The following NBEA variants were observed in gnomAD, a reference collection of about 807,000 sequenced individuals.
NBEA encodes neurobeachin.
A neutral mutation model predicts 343.4 loss-of-function variants in NBEA; 44 were observed. The ratio of observed to expected loss-of-function variants is 0.13; its 90% confidence interval spans 0.10 to 0.16. The LOEUF (loss-of-function observed/expected upper bound fraction) is 0.16. Ranked by LOEUF, NBEA falls within the 10% of genes least tolerant of loss-of-function variation. NBEA has a pLI of 1.00. For synonymous variants in NBEA, 1,175 were observed against 1,238.7 expected, an observed-to-expected ratio of 0.95 and a Z score of 1.08; for missense variants, 2,555 against 3,631.3, an observed-to-expected ratio of 0.70 and a Z score of 7.62.
chr13:34,965,738 A>G (rs2059800464), intron 1 of NBEA, among the ~76,000 whole-genome samples: 3 of 152,018 alleles, frequency 2.0e-5, no homozygotes, highest in African/African-American at 7.2e-5. Flanking sequence ...GCCATGATCA[A>G]GGTCTCCTGG....
At chr13:35,242,873 T>A (rs1319294169) in intron 34 of NBEA, among the ~76,000 whole-genome samples, 1 of 151,928 alleles carries the variant, frequency 6.6e-6, no homozygotes, top group African/African-American at 2.4e-5. Context: ...GAGCATTTAT[T>A]ACTACTAGAT....
chr13:35,652,046 T>C (rs2084549537), intron 53 of NBEA, among the ~76,000 whole-genome samples, 170 bp downstream of exon 53: 1 of 152,146 alleles, frequency 6.6e-6, no homozygotes, highest in Non-Finnish European at 1.5e-5. Context: ...ATCTAAGAAC[T>C]TTTTGGTATT....
chr13:35,316,023 A>T lies in NBEA; in HGVS notation c.5903+6431A>T, dbSNP rs2037690324. Among the ~76,000 whole-genome samples, 4 of 145,368 alleles carry T rather than the reference A, an allele frequency of 2.8e-5. No individual in the cohort carries two copies. The South Asian group carries it at 9.2e-4, about 33-fold the overall frequency. Reference sequence around the variant, plus strand: ...TTGGAGCCAATAATCTCTGGAAGCTACTGGAAAACAGAAGTTTCTTTTCCA... The same window carrying T: ...TTGGAGCCAATAATCTCTGGAAGCTTCTGGAAAACAGAAGTTTCTTTTCCA... On this transcript the variant is annotated intron_variant, in intron 36 of 58. Transcript: ENST00000379939.
intron 45 of NBEA, among the ~76,000 whole-genome samples, chr13:35,570,669 T>C (rs563764903): frequency 3.3e-4 from 50 of 152,358 alleles, no homozygotes; most frequent in African/African-American, 1.1e-3. Flanking sequence ...CCTCTTGATA[T>C]GTTAATAAAT....
intron 36 of NBEA, among the ~76,000 whole-genome samples, chr13:35,320,497 A>C (rs911081704): frequency 1.3e-5 from 2 of 152,172 alleles, no homozygotes; most frequent in Non-Finnish European, 2.9e-5. Flanking sequence ...CCTTGGGGTA[A>C]CCTGACCTTT....
chr13:35,436,000 T>A (rs2045413687), intron 39 of NBEA, among the ~76,000 whole-genome samples: 1 of 152,062 alleles, frequency 6.6e-6, no homozygotes, highest in African/African-American at 2.4e-5. Flanking sequence ...TTTCAAATTA[T>A]TCGCCACAGT....
At chr13:35,523,179 GA>G (rs1394704021) in intron 41 of NBEA, among the ~76,000 whole-genome samples, 1 of 152,096 alleles carries the variant, frequency 6.6e-6, no homozygotes, top group Non-Finnish European at 1.5e-5. Context: ...TACTGTGCCA[GA>G]AACCTTTCCA....
intron 39 of NBEA, among the ~76,000 whole-genome samples, chr13:35,451,163 G>A (rs530624147): frequency 4.6e-5 from 7 of 152,072 alleles, no homozygotes; most frequent in Admixed American, 4.6e-4. Context: ...TCACTCTGTC[G>A]CCCAGGCTGG....
chr13:35,290,543 A>G, intron 35 of NBEA, 93 bp downstream of exon 35: 1 of 825,796 alleles, frequency 1.2e-6, no homozygotes, highest in Non-Finnish European at 1.9e-6. Flanking sequence ...GTATGTTTAT[A>G]TATTTTTAAA....
In NBEA at chr13:35,486,028, A is replaced by C. The variant is rs78086918; in HGVS notation, c.6585+13492A>C. ...ATTCTCCAGATTGTTTAGTCTAAAA[A>C]ATAGGCTGATGAAATTTTGAGGGAA... On this transcript the variant is annotated intron_variant, in intron 41 of 58. Coordinates refer to ENST00000379939, the MANE Select transcript of NBEA (RefSeq NM_001385012.1). Among the ~76,000 whole-genome samples the C allele has an allele frequency of 7.6e-3, 1,151 of 151,848 alleles. 16 individuals carry two copies. The highest frequency in any genetic ancestry group is 0.026 in the African/African-American group (1,092 of 41,510).
intron 41 of NBEA, among the ~76,000 whole-genome samples, chr13:35,533,592 G>A (rs1314679175): frequency 6.6e-6 from 1 of 151,918 alleles, no homozygotes; most frequent in African/African-American, 2.4e-5. Context: ...TTCTGCTCTA[G>A]CATAGATCAA....
chr13:35,421,193 T>G (rs577307077), intron 38 of NBEA, among the ~76,000 whole-genome samples: 1 of 152,188 alleles, frequency 6.6e-6, no homozygotes, highest in East Asian at 1.9e-4. Flanking sequence ...GTGATTTTCA[T>G]TCAGTTCTGT....
At chr13:35,468,112 C>G (rs1428701553) in intron 40 of NBEA, among the ~76,000 whole-genome samples, 1 of 100,650 alleles carries the variant, frequency 9.9e-6, no homozygotes, top group Non-Finnish European at 2.0e-5. Flanking sequence ...ATTTACACCC[C>G]CCCCCCACTC....
Position 35,123,510 on chromosome 13 carries a change from A to C in NBEA, c.2272A>C (p.Ser758Arg). 6.5e-7 allele frequency: 1 copy of C among 1,535,248 alleles called. No homozygotes were observed. Among genetic ancestry groups the C allele is most frequent in the Non-Finnish European group, 8.8e-7 (1 of 1,135,742 alleles). Residue 758 changes from serine (S) to arginine (R), a missense_variant, in exon 17 of 59, where the codon AGT (serine) becomes CGT (arginine). Transcript: ENST00000379939. The stretch of plus-strand genomic sequence containing the variant: ...GATCTACAAATTATTGGCTTCTAAA[A>C]GTGAAAGTATTTGGGTTCAAGCTTT... ...RVIYKLLASK[S>R]ESIWVQALKV...
chr13:35,074,661 C>T (rs2064033170), intron 10 of NBEA, among the ~76,000 whole-genome samples: 1 of 152,078 alleles, frequency 6.6e-6, no homozygotes, highest in African/African-American at 2.4e-5. Context: ...TGAATACATA[C>T]TGTGTGCTAG....
At chr13:34,967,809 A>T (rs1278848472) in intron 1 of NBEA, among the ~76,000 whole-genome samples, 1 of 152,088 alleles carries the variant, frequency 6.6e-6, no homozygotes, top group Non-Finnish European at 1.5e-5. Flanking sequence ...GGCACTAATT[A>T]AGTGTCCTAA....
At chr13:35,085,679 G>A (rs1036203468) in intron 10 of NBEA, among the ~76,000 whole-genome samples, 1 of 152,096 alleles carries the variant, frequency 6.6e-6, no homozygotes, top group Non-Finnish European at 1.5e-5. Flanking sequence ...GCACAAGACA[G>A]AGATACCCTC....
At chr13:35,009,089 A>G (rs1221852402) in intron 1 of NBEA, among the ~76,000 whole-genome samples, 1 of 152,104 alleles carries the variant, frequency 6.6e-6, no homozygotes, top group African/African-American at 2.4e-5. Context: ...TGTTTTATCC[A>G]TCTTTCTGAT....
At chr13:35,653,984 T>C (rs913705656) in intron 53 of NBEA, among the ~76,000 whole-genome samples, 8 of 152,238 alleles carry the variant, frequency 5.3e-5, no homozygotes, top group African/African-American at 1.4e-4. Context: ...TAGTAATTAT[T>C]TTTATACTGT....
Sources: allele counts gnomAD v4.1 joint callset (sites outside exome capture counted in the v4.1 genomes callset), GRCh38; gene constraint gnomAD v4.1.1; transcripts MANE v1.5; gene names NCBI Gene and HGNC (gene_info 2026-07-23, HGNC 2026-07-21).